Variants in EPHB1 observed in about 807,000 individuals in gnomAD.
The protein encoded by EPHB1 is ephrin type-B receptor 1.
A neutral mutation model predicts 94.4 loss-of-function variants in EPHB1; 30 were observed. The ratio of observed to expected loss-of-function variants is 0.32; its 90% CI spans 0.24 to 0.43. EPHB1 has a LOEUF of 0.43. Ranked by LOEUF, EPHB1 falls within the 20% of genes least tolerant of loss-of-function variation. The pLI, the probability that EPHB1 is intolerant of heterozygous loss-of-function variation, is 1.00. For missense variants in EPHB1, 1,055 were observed against 1,308.3 expected, an observed-to-expected ratio of 0.81 and a Z score of 2.99; for synonymous variants, 522 against 489.1, an observed-to-expected ratio of 1.07 and a Z score of -0.89.
intron 3 of EPHB1, among the ~76,000 whole-genome samples, chr3:135,081,242 G>A (rs1345949191): frequency 2.0e-5 from 3 of 152,276 alleles, no homozygotes; most frequent in African/African-American, 4.8e-5. Flanking sequence ...TTCTCAGAAT[G>A]TGTGGCTTAA....
chr3:134,966,784 A>G (rs957033338), intron 3 of EPHB1, among the ~76,000 whole-genome samples: 2 of 152,242 alleles, frequency 1.3e-5, no homozygotes, highest in Non-Finnish European at 2.9e-5. Context: ...TCCCATCTGC[A>G]TTCCTGCCAT....
chr3:135,184,583 C>T (rs1029762895), intron 10 of EPHB1, among the ~76,000 whole-genome samples: 3 of 152,014 alleles, frequency 2.0e-5, no homozygotes, highest in South Asian at 2.1e-4. Context: ...TTGTATATGG[C>T]GAATGAAAGT....
chr3:135,214,562 T>A (rs958518131), intron 12 of EPHB1, among the ~76,000 whole-genome samples: 2 of 152,190 alleles, frequency 1.3e-5, no homozygotes, highest in Non-Finnish European at 2.9e-5. Context: ...AGGTCTTTGT[T>A]CTGTGACGAA....
At chr3:134,883,069 G>A (rs927611509) in intron 1 of EPHB1, among the ~76,000 whole-genome samples, 5 of 152,106 alleles carry the variant, frequency 3.3e-5, no homozygotes, top group Admixed American at 6.6e-5. Context: ...TGATCCGCCT[G>A]TCTTGGCCTC....
chr3:135,058,224 C>A (rs889813886), intron 3 of EPHB1, among the ~76,000 whole-genome samples: 5 of 152,190 alleles, frequency 3.3e-5, no homozygotes, highest in African/African-American at 1.2e-4. Context: ...CTCCCTCATT[C>A]CTCTGCTCTA....
intron 3 of EPHB1, among the ~76,000 whole-genome samples, chr3:134,984,165 C>T (rs1389111056): frequency 1.3e-5 from 2 of 152,194 alleles, no homozygotes; most frequent in Non-Finnish European, 2.9e-5. Flanking sequence ...CCCTGAGTTT[C>T]ATTCACTGTG....
At position 135,241,317 on chromosome 3, in the gene EPHB1, G is replaced by C. The variant is rs6796578; in HGVS notation, c.2496+20G>C. 4.3e-3 allele frequency: 6,934 copies of C among 1,613,906 alleles called. 203 individuals are homozygous for C. In the African/African-American group the frequency reaches 0.071, roughly 17 times the overall value. On this transcript the variant is annotated intron_variant, in intron 13 of 15. Coordinates refer to ENST00000398015, the MANE Select transcript of EPHB1 (RefSeq NM_004441.5). Reference sequence around the variant, plus strand: ...CAAGATGTGAGTGTCAGCAGCACTTGGTCACCACAAACCCCCATTGAAGGG... The same window carrying C: ...CAAGATGTGAGTGTCAGCAGCACTTCGTCACCACAAACCCCCATTGAAGGG...
chr3:134,973,946 C>T (rs1244889533), intron 3 of EPHB1, among the ~76,000 whole-genome samples: 2 of 151,974 alleles, frequency 1.3e-5, no homozygotes, highest in Non-Finnish European at 2.9e-5. Flanking sequence ...TTTTGTCTGA[C>T]CTGGAAAAAC....
chr3:134,946,874 G>C (rs2039226763), intron 2 of EPHB1, among the ~76,000 whole-genome samples: 1 of 152,132 alleles, frequency 6.6e-6, no homozygotes, highest in African/African-American at 2.4e-5. Flanking sequence ...ACAGGCTGCA[G>C]AACTATAAAC....
intron 4 of EPHB1, among the ~76,000 whole-genome samples, chr3:135,113,226 A>C (rs763015508): frequency 6.6e-6 from 1 of 152,166 alleles, no homozygotes; most frequent in Non-Finnish European, 1.5e-5. Context: ...GTGTGACTGC[A>C]AGCTGGAAGC....
At chr3:134,870,926 A>G (rs2037485875) in intron 1 of EPHB1, among the ~76,000 whole-genome samples, 1 of 152,160 alleles carries the variant, frequency 6.6e-6, no homozygotes, top group African/African-American at 2.4e-5. Flanking sequence ...AGAGTCCCAA[A>G]GCTTCCTCTT....
At chr3:135,054,653 C>T (rs1409082998) in intron 3 of EPHB1, among the ~76,000 whole-genome samples, 15 of 152,188 alleles carry the variant, frequency 9.9e-5, no homozygotes, top group Non-Finnish European at 1.0e-4. Context: ...CGGATGTTAG[C>T]TCATAGGATC....
intron 1 of EPHB1, among the ~76,000 whole-genome samples, chr3:134,854,596 G>A (rs532723959): frequency 3.3e-5 from 5 of 152,108 alleles, no homozygotes; most frequent in African/African-American, 4.8e-5. Context: ...GGAAGCGTTT[G>A]CCTCATGCTT....
intron 9 of EPHB1, among the ~76,000 whole-genome samples, chr3:135,172,734 T>C (rs545814746): frequency 6.6e-6 from 1 of 152,320 alleles, no homozygotes; most frequent in Non-Finnish European, 1.5e-5. Flanking sequence ...CGAAGTCTTA[T>C]TGGGAGAGGA....
chr3:134,951,755 C>G lies in EPHB1; in HGVS notation c.508C>G (p.Arg170Gly). The G allele has an allele frequency of 1.2e-6, 2 of 1,614,016 alleles. No individual in the cohort carries two copies. The highest frequency in any genetic ancestry group is 1.7e-6 in the Non-Finnish European group (2 of 1,179,912). ...TEVRSFGPLT[R>G]NGFYLAFQDY... ...AGTCAGGAGCTTTGGGCCTCTTACT[C>G]GGAATGGTTTTTACCTCGCTTTTCA... Residue 170 changes from arginine (R) to glycine (G), a missense_variant, in exon 3 of 16, where the codon CGG becomes GGG. Transcript: ENST00000398015. The surrounding 1 kb of genome is among the most constrained non-coding windows in gnomAD (Gnocchi z 4.5).
Position 134,896,924 on chromosome 3 carries a change from G to C in EPHB1, c.59-28892G>C, listed in dbSNP as rs991799582. Among the ~76,000 whole-genome samples, 7 of 152,352 alleles carry C rather than the reference G, an allele frequency of 4.6e-5. 1 individual carries two copies. The South Asian group carries it at 1.5e-3, about 32-fold the overall frequency. On this transcript the variant is annotated intron_variant, in intron 1 of 15. Transcript: ENST00000398015. ...AATGGCGAGCAAGGGAGCTGGATGG[G>C]GGTCCCTCCTGGTGAGTGTCATGCT...
Position 135,162,195 on chromosome 3 carries a change from G to A in EPHB1, c.1585+15G>A. On this transcript the variant is annotated intron_variant, in intron 7 of 15. Coordinates refer to ENST00000398015, the MANE Select transcript of EPHB1 (RefSeq NM_004441.5). ...TCTGACTGACGGTAAGGGTCGGGGA[G>A]GGCAGTGGCATAATCACAGGGCAGG... The A allele has an allele frequency of 1.3e-6, 2 of 1,584,992 alleles. No individual in the cohort carries two copies. The highest frequency in any genetic ancestry group is 8.6e-7 in the Non-Finnish European group (1 of 1,162,118).
intron 3 of EPHB1, among the ~76,000 whole-genome samples, chr3:135,052,070 A>G (rs907666326): frequency 2.6e-5 from 4 of 152,252 alleles, no homozygotes; most frequent in Non-Finnish European, 4.4e-5. Context: ...TATAATGTTA[A>G]TCTGTCCTAG....
At chr3:135,103,919 C>G (rs1014564308) in intron 3 of EPHB1, among the ~76,000 whole-genome samples, 1 of 152,212 alleles carries the variant, frequency 6.6e-6, no homozygotes, top group Non-Finnish European at 1.5e-5. Context: ...GAGGCACTTT[C>G]CACATCCCCC....
Sources: allele counts gnomAD v4.1 joint callset (sites outside exome capture counted in the v4.1 genomes callset), GRCh38; gene constraint gnomAD v4.1.1; non-coding constraint Gnocchi (gnomAD v3.1); transcripts MANE v1.5; gene names NCBI Gene and HGNC (gene_info 2026-07-23, HGNC 2026-07-21).